Variants in MINK1 observed in about 807,000 individuals in gnomAD.
MINK1 encodes the protein misshapen like kinase 1.
Under a neutral mutation model 178.4 loss-of-function variants are expected in MINK1, and 46 were observed. The observed-to-expected ratio is 0.26, with a 90% CI of 0.20 to 0.33. The LOEUF (loss-of-function observed/expected upper bound fraction) is 0.33. Ranked by LOEUF, MINK1 falls within the 10% of genes least tolerant of loss-of-function variation. The probability of loss-of-function intolerance (pLI) is 1.00; values close to 1 mark genes in which losing one functional copy is unlikely to be tolerated. For synonymous variants in MINK1, 797 were observed against 709.7 expected, an observed-to-expected ratio of 1.12 and a Z score of -1.96; for missense variants, 1,366 against 1,814.9, an observed-to-expected ratio of 0.75 and a Z score of 4.49.
intron 1 of MINK1, among the ~76,000 whole-genome samples, chr17:4,869,914 CT>C (rs564177039): frequency 2.4e-4 from 31 of 127,708 alleles, no homozygotes; most frequent in Admixed American, 3.5e-4. Context: ...TTTTTTCTTT[CT>C]TTTTTTTTTG....
At chr17:4,874,076 C>T (rs1010060465) in intron 1 of MINK1, among the ~76,000 whole-genome samples, 4 of 152,176 alleles carry the variant, frequency 2.6e-5, no homozygotes, top group African/African-American at 7.2e-5. Flanking sequence ...AGCATTTCAG[C>T]GGCTTTCGTG....
chr17:4,838,656 C>T (rs968063057), intron 1 of MINK1, among the ~76,000 whole-genome samples: 5 of 151,896 alleles, frequency 3.3e-5, no homozygotes, highest in African/African-American at 1.2e-4. Context: ...GCAGTAACCT[C>T]TCAACCCAGA....
intron 1 of MINK1, chr17:4,847,237 C>G: frequency 2.2e-6 from 1 of 455,986 alleles, no homozygotes; most frequent in South Asian, 1.6e-5. Context: ...CCAGTTCATT[C>G]ATTCATTCAT....
At chr17:4,838,975 G>A (rs568664358) in intron 1 of MINK1, among the ~76,000 whole-genome samples, 1 of 148,232 alleles carries the variant, frequency 6.7e-6, no homozygotes, top group East Asian at 2.0e-4. Flanking sequence ...ACGCAGTCTC[G>A]CACTGTCGCC....
chr17:4,896,218 C>G lies in MINK1; in HGVS notation c.3491C>G (p.Pro1164Arg). 1 of 1,600,680 alleles carries G rather than the reference C, an allele frequency of 6.2e-7. No individual in the cohort carries two copies. Among genetic ancestry groups the G allele is most frequent in the Non-Finnish European group, 8.5e-7 (1 of 1,172,826 alleles). ...FKSFADLPHR[P>R]LLVDLTVEEG... ...TCCTTTGCCGACCTCCCCCACCGCC[C>G]TCTGCTGGTCGACCTGACAGTAGAG... Residue 1164 changes from proline to arginine, a missense_variant, in exon 29 of 32, where the codon CCT becomes CGT. By Grantham distance (103) the Pro-to-Arg change is moderately radical. Transcript: ENST00000355280. The surrounding 1 kb of genome is among the most constrained non-coding windows in gnomAD (Gnocchi z 4.6).
rs192495886 is a variant in MINK1 at position 4,850,989 on chromosome 17, C to T, written c.57+17349C>T. 3 of 458,632 alleles carry T rather than the reference C, an allele frequency of 6.5e-6. No individual in the cohort carries two copies. In the Admixed American group the frequency reaches 7.0e-5, roughly 11 times the overall value. The allele number at this position is 458,632 out of a possible 1,614,324, so 28.4% of individuals were successfully genotyped here. On this transcript the variant is annotated intron_variant, in intron 1 of 31. Transcript: ENST00000355280. ...GCTTCCCAGGGACTGGCCCTCCTCC[C>T]TGCCCCTGTCAGCCTGCCTCCGAGG...
In MINK1 at chr17:4,895,324, G is replaced by C. The variant is rs1379638146; in HGVS notation, c.3086-26G>C. Reference sequence around the variant, plus strand: ...TAGGTGAGGGCCTGGCTGAGCCTCTGACCTGCCCAAGGGCTCCTGTTGCAG... The same window carrying C: ...TAGGTGAGGGCCTGGCTGAGCCTCTCACCTGCCCAAGGGCTCCTGTTGCAG... On this transcript the variant is annotated intron_variant, in intron 25 of 31. Transcript: ENST00000355280. The surrounding 1 kb of genome is among the most constrained non-coding windows in gnomAD (Gnocchi z 4.3). 1.2e-6 allele frequency: 2 copies of C among 1,604,644 alleles called. No individual in the cohort carries two copies. Among genetic ancestry groups the C allele is most frequent in the Non-Finnish European group, 1.7e-6 (2 of 1,174,262 alleles).
At chr17:4,874,812 A>G (rs571237117) in intron 1 of MINK1, among the ~76,000 whole-genome samples, 1 of 152,252 alleles carries the variant, frequency 6.6e-6, no homozygotes, top group African/African-American at 2.4e-5. Flanking sequence ...GAAACCCATT[A>G]AATGTCGATA....
At position 4,887,225 on chromosome 17, in the gene MINK1, TG is replaced by T; in HGVS notation, c.1019+52del. 6.6e-7 allele frequency: 1 copy of T among 1,521,764 alleles called. No individual in the cohort carries two copies. The highest frequency in any genetic ancestry group is 8.9e-7 in the Non-Finnish European group (1 of 1,118,746). 94.3% of individuals were successfully genotyped at this position (1,521,764 alleles called of 1,614,324 possible). ...GGGGGTTGGGGCGGTCATCGCTGAG[TG>T]GGGGGACTACAGTGGTGCTTGGCTT... On this transcript the variant is annotated intron_variant, in intron 11 of 31. Transcript: ENST00000355280. The surrounding 1 kb of genome is among the most constrained non-coding windows in gnomAD (Gnocchi z 7.6).
intron 2 of MINK1, among the ~76,000 whole-genome samples, chr17:4,879,715 A>G (rs954416929): frequency 1.3e-5 from 2 of 152,166 alleles, no homozygotes; most frequent in African/African-American, 4.8e-5. Flanking sequence ...GAGGAGGGCA[A>G]TGGCTGGGGA....
In MINK1 at chr17:4,891,662, C is replaced by T. The variant is rs1597565207; in HGVS notation, c.1947C>T (p.Gly649=). 1 of 1,599,988 alleles carries T rather than the reference C, an allele frequency of 6.3e-7. No homozygotes were observed. The highest frequency in any genetic ancestry group is 1.1e-5 in the South Asian group (1 of 88,788). The stretch of plus-strand genomic sequence containing the variant: ...CAGACCCCACCTCTGAAGGACCTGG[C>T]CCCAGCCCGAATCCCCCAGCCTGGG... ...QNSDPTSEGP[G]PSPNPPAWVR... Residue 649 remains glycine, a synonymous_variant, in exon 16 of 32, where the codon GGC becomes GGT. Coordinates refer to ENST00000355280, the MANE Select transcript of MINK1 (RefSeq NM_153827.5).
Position 4,893,475 on chromosome 17 carries a change from T to G in MINK1, c.2442T>G (p.Pro814=). The G allele has an allele frequency of 1.3e-6, 2 of 1,594,752 alleles. No individual in the cohort carries two copies. The highest frequency in any genetic ancestry group is 1.7e-6 in the Non-Finnish European group (2 of 1,164,974). The part of the protein sequence containing the change: ...LLKERTLDEA[P]RPPKKAMDYS... Reference sequence around the variant, plus strand: ...AAGAGCGGACTCTGGACGAGGCCCCTCGGCCTCCCAAGAAGGCCATGGACT... The same window carrying G: ...AAGAGCGGACTCTGGACGAGGCCCCGCGGCCTCCCAAGAAGGCCATGGACT... Residue 814 remains proline (P), a synonymous_variant, in exon 21 of 32, where the codon CCT becomes CCG. Coordinates refer to ENST00000355280, the MANE Select transcript of MINK1 (RefSeq NM_153827.5).
intron 12 of MINK1, among the ~76,000 whole-genome samples, chr17:4,888,639 A>G (rs1383994791): frequency 6.6e-6 from 1 of 152,018 alleles, no homozygotes; most frequent in African/African-American, 2.4e-5. Context: ...TCCAAAAAAT[A>G]AAAAAATAAA....
In MINK1 at chr17:4,896,382, G is replaced by A. The variant is rs899382124; in HGVS notation, c.3615+40G>A. On this transcript the variant is annotated intron_variant, in intron 29 of 31. Coordinates refer to ENST00000355280, the MANE Select transcript of MINK1 (RefSeq NM_153827.5). This position sits in a 1 kb window ranked among gnomAD's most constrained non-coding sequence, Gnocchi z 4.6. ...GCTGCTGGGGGAGTGGGATGGCCCA[G>A]TCTGGGCACCAGACACGGAGACTCT... 2 of 1,607,980 alleles carry A rather than the reference G, an allele frequency of 1.2e-6. No homozygotes were observed. Among genetic ancestry groups the A allele is most frequent in the Non-Finnish European group, 8.5e-7 (1 of 1,176,292 alleles).
In MINK1 at chr17:4,895,679, ATG is replaced by A. The variant is rs1969380013; in HGVS notation, c.3230-17_3230-16del. ...CAGATGAGAATGGGGGCGGGTGTGT[ATG>A]TCTGTCCGTCCCTCAGGGAAAAGGA... On this transcript the variant is annotated splice_polypyrimidine_tract_variant and intron_variant, in intron 26 of 31. Transcript: ENST00000355280. The surrounding 1 kb of genome is among the most constrained non-coding windows in gnomAD (Gnocchi z 4.3). 6.2e-7 allele frequency: 1 copy of A among 1,611,754 alleles called. No homozygotes were observed. Among genetic ancestry groups the A allele is most frequent in the Admixed American group, 1.7e-5 (1 of 59,668 alleles).
chr17:4,894,788 C>T lies in MINK1; in HGVS notation c.2917+155C>T, dbSNP rs1391064149. The stretch of plus-strand genomic sequence containing the variant: ...CCTGGGCACAGAGGCAAGGAAGAGC[C>T]TCTGAGACCCCTCCTTCCTGTCCCA... On this transcript the variant is annotated intron_variant, in intron 24 of 31. Coordinates refer to ENST00000355280, the MANE Select transcript of MINK1 (RefSeq NM_153827.5). The surrounding 1 kb of genome is among the most constrained non-coding windows in gnomAD (Gnocchi z 4.1). The T allele has an allele frequency of 6.1e-6, 4 of 656,820 alleles. No homozygotes were observed. Among genetic ancestry groups the T allele is most frequent in the Admixed American group, 5.4e-5 (2 of 36,974 alleles). 40.7% of individuals were successfully genotyped at this position (656,820 alleles called of 1,614,324 possible).
Position 4,833,463 on chromosome 17 carries a change from G to C in MINK1, c.-121G>C. 1.3e-6 allele frequency: 1 copy of C among 782,582 alleles called. No homozygotes were observed. The highest frequency in any genetic ancestry group is 1.8e-5 in the South Asian group (1 of 55,520). The allele number at this position is 782,582 out of a possible 1,614,324, so 48.5% of individuals were successfully genotyped here. ...CCGGCCCTCCCCCTCCCCGGTCTCC[G>C]GGGGAGGCGCGGTGGAGTCCGCCCC... On this transcript the variant is annotated 5_prime_UTR_variant, in exon 1 of 32. Transcript: ENST00000355280. This position sits in a 1 kb window ranked among gnomAD's most constrained non-coding sequence, Gnocchi z 4.8.
At chr17:4,876,097 G>T (rs1211291942) in intron 1 of MINK1, among the ~76,000 whole-genome samples, 3 of 151,988 alleles carry the variant, frequency 2.0e-5, no homozygotes, top group Non-Finnish European at 4.4e-5. Flanking sequence ...GCCCGGCCAA[G>T]ATTTTTTTTT....
In MINK1 at chr17:4,895,163, C is replaced by G; in HGVS notation, c.3006C>G (p.Thr1002=). The change falls in exon 25 of 32, where the codon ACC becomes ACG. Residue 1002 remains threonine, a synonymous_variant. Transcript: ENST00000355280. This position sits in a 1 kb window ranked among gnomAD's most constrained non-coding sequence, Gnocchi z 4.3. ...GSVVNVNPTN[T]RAHSETPEIR... ...TGGTCAACGTGAATCCCACCAACAC[C>G]CGGGCCCACAGTGAGACCCCTGAGA... is the stretch of plus-strand genomic sequence containing the variant. The G allele has an allele frequency of 1.2e-6, 2 of 1,614,100 alleles. No homozygotes were observed. Among genetic ancestry groups the G allele is most frequent in the Non-Finnish European group, 1.7e-6 (2 of 1,180,024 alleles).
Sources: allele counts gnomAD v4.1 joint callset (sites outside exome capture counted in the v4.1 genomes callset), GRCh38; gene constraint gnomAD v4.1.1; non-coding constraint Gnocchi (gnomAD v3.1); transcripts MANE v1.5; gene names NCBI Gene and HGNC (gene_info 2026-07-23, HGNC 2026-07-21).